Variants in H2AC1 observed in about 807,000 individuals in gnomAD.
H2AC1 encodes the protein H2A clustered histone 1.
For missense variants in H2AC1, 218 were observed against 173.8 expected (o/e 1.25, Z -1.43); for synonymous variants, 145 against 70.0 (o/e 2.07, Z -5.35).
chr6:25,726,107 T>C lies in H2AC1; in HGVS notation c.*25A>G. 1 of 1,502,152 alleles carries C rather than the reference T, an allele frequency of 6.7e-7. No individual in the cohort carries two copies. Among genetic ancestry groups the C allele is most frequent in the Non-Finnish European group, 8.9e-7 (1 of 1,124,466 alleles). 93.1% of individuals were successfully genotyped at this position (1,502,152 alleles called of 1,614,324 possible). ...CCTTTTGTTTTTTCTGACACAGAAGTCTTTTTACCAATGACAACCTTAAGT... is the reference window on the plus strand; with the variant it reads ...CCTTTTGTTTTTTCTGACACAGAAGCCTTTTTACCAATGACAACCTTAAGT... On this transcript the variant is annotated 3_prime_UTR_variant, in exon 1 of 1. Transcript: ENST00000297012.
chr6:25,726,545 C>T lies in H2AC1; in HGVS notation c.-18G>A, dbSNP rs202165082. The T allele has an allele frequency of 1.6e-5, 26 of 1,596,330 alleles. No individual in the cohort carries two copies. In the East Asian group the frequency reaches 1.8e-4, roughly 11 times the overall value. The stretch of plus-strand genomic sequence containing the variant: ...CCAGACATCTCCTCGCATCAAATTG[C>T]AGCAACACGAGAACCACATTTCTAG... On this transcript the variant is annotated 5_prime_UTR_variant, in exon 1 of 1. Coordinates refer to ENST00000297012, the MANE Select transcript of H2AC1 (RefSeq NM_170745.3).
rs757783013 is a variant in H2AC1, at chr6:25,726,497, C to CT, written c.30dup (p.Ala11SerfsTer6). The CT allele has an allele frequency of 2.5e-6, 4 of 1,611,592 alleles. No individual in the cohort carries two copies. In the East Asian group the frequency reaches 8.9e-5, roughly 36 times the overall value. ...GAGCGAGACTTAGACTTGGCGCGTG[C>CT]TTTTCCTCCCTGCTTCCCTCGTCCA... is the stretch of plus-strand genomic sequence containing the variant. On this transcript the variant is annotated frameshift_variant, in exon 1 of 1. Coordinates refer to ENST00000297012, the MANE Select transcript of H2AC1 (RefSeq NM_170745.3). LOFTEE classifies it low-confidence loss of function (END_TRUNC).
At position 25,726,298 on chromosome 6, in the gene H2AC1, G is replaced by T; in HGVS notation, c.230C>A (p.Thr77Asn). The T allele has an allele frequency of 6.2e-7, 1 of 1,614,104 alleles. No individual in the cohort carries two copies. Among genetic ancestry groups the T allele is most frequent in the Non-Finnish European group, 8.5e-7 (1 of 1,179,984 alleles). ...CTGCAGGTGGCGGGGAATAATGCGA[G>T]TTTTTTTGTTATCGCGAGACGCATT... ...AGNASRDNKKTRIIPRHLQLA... is the reference protein window; with the variant it reads ...AGNASRDNKKNRIIPRHLQLA... The change falls in exon 1 of 1, where the codon ACT (threonine) becomes AAT (asparagine). Residue 77 changes from threonine (T) to asparagine (N), a missense_variant. Coordinates refer to ENST00000297012, the MANE Select transcript of H2AC1 (RefSeq NM_170745.3).
rs1275786509 is a variant in H2AC1 at position 25,726,207 on chromosome 6, T to G, written c.321A>C (p.Gly107=). ...GCACTGCCTGAATGTTAGGCAGGAC[T>G]CCGCCCTGGGCAATGGTCACGCCGC... ...LLGGVTIAQG[G]VLPNIQAVLL... Residue 107 remains glycine, a synonymous_variant, in exon 1 of 1, where the codon GGA becomes GGC. Transcript: ENST00000297012. 1.9e-6 allele frequency: 3 copies of G among 1,608,738 alleles called. No individual in the cohort carries two copies. Among genetic ancestry groups the G allele is most frequent in the East Asian group, 2.2e-5 (1 of 44,764 alleles).
chr6:25,726,151 T>C lies in H2AC1; in HGVS notation c.377A>G (p.His126Arg). ...CTTAAGTTACTTGCTTTGGGCTTTA[T>C]GGTGGTGACTCTCAGTCTTCTTGGG... is the stretch of plus-strand genomic sequence containing the variant. Reference protein sequence around the residue: ...LLPKKTESHHHKAQSK With the variant: ...LLPKKTESHHRKAQSK The change falls in exon 1 of 1, where the codon CAT becomes CGT. Residue 126 changes from histidine (H) to arginine (R), a missense_variant. Physicochemically the swap from His to Arg is conservative, Grantham distance 29 (BLOSUM62 0). Transcript: ENST00000297012. 1 of 1,551,650 alleles carries C rather than the reference T, an allele frequency of 6.4e-7. No homozygotes were observed. The highest frequency in any genetic ancestry group is 8.7e-7 in the Non-Finnish European group (1 of 1,148,296).
At position 25,726,304 on chromosome 6, in the gene H2AC1, T is replaced by C; in HGVS notation, c.224A>G (p.Lys75Arg). ...GTGGCGGGGAATAATGCGAGTTTTT[T>C]TGTTATCGCGAGACGCATTGCCTGC... ...ELAGNASRDN[K>R]KTRIIPRHLQ... Residue 75 changes from lysine (K) to arginine (R), a missense_variant, in exon 1 of 1, where the codon AAA becomes AGA. Coordinates refer to ENST00000297012, the MANE Select transcript of H2AC1 (RefSeq NM_170745.3). 2 of 1,614,128 alleles carry C rather than the reference T, an allele frequency of 1.2e-6. No homozygotes were observed. The highest frequency in any genetic ancestry group is 1.1e-5 in the South Asian group (1 of 91,078).
chr6:25,726,348 T>C lies in H2AC1; in HGVS notation c.180A>G (p.Thr60=). 1 of 1,614,180 alleles carries C rather than the reference T, an allele frequency of 6.2e-7. No individual in the cohort carries two copies. Among genetic ancestry groups the C allele is most frequent in the South Asian group, 1.1e-5 (1 of 91,074 alleles). ...TGCCTGCCAGCTCAAGGATTTCTGC[T>C]GTGAGATACTCTAACACTGCCGCCA... ...VYLAAVLEYL[T]AEILELAGNA... Residue 60 remains threonine, a synonymous_variant, in exon 1 of 1, where the codon ACA becomes ACG. Transcript: ENST00000297012.
In H2AC1 at chr6:25,726,433, T is replaced by G. The variant is rs200683901; in HGVS notation, c.95A>C (p.His32Pro). Residue 32 changes from histidine to proline, a missense_variant, in exon 1 of 1, where the codon CAT (histidine) becomes CCT (proline). Coordinates refer to ENST00000297012, the MANE Select transcript of H2AC1 (RefSeq NM_170745.3). ...AGLQFPVGRI[H>P]RLLRKGNYAE... ...ATAGTTTCCCTTACGAAGCAGACGA[T>G]GGATCCGGCCTACGGGAAACTGCAA... is the stretch of plus-strand genomic sequence containing the variant. The G allele has an allele frequency of 6.2e-7, 1 of 1,614,092 alleles. No individual in the cohort carries two copies. Among genetic ancestry groups the G allele is most frequent in the Non-Finnish European group, 8.5e-7 (1 of 1,180,028 alleles).
Position 25,726,268 on chromosome 6 carries a change from G to A in H2AC1, c.260C>T (p.Ala87Val), listed in dbSNP as rs1760239264. The change falls in exon 1 of 1, where the codon GCG (alanine) becomes GTG (valine). Residue 87 changes from alanine to valine, a missense_variant. Coordinates refer to ENST00000297012, the MANE Select transcript of H2AC1 (RefSeq NM_170745.3). ...TRIIPRHLQLAIRNDEELNKL... is the reference protein window; with the variant it reads ...TRIIPRHLQLVIRNDEELNKL... ...ATTGAGTTCCTCATCATTGCGGATCGCTAGCTGCAGGTGGCGGGGAATAAT... is the reference window on the plus strand; with the variant it reads ...ATTGAGTTCCTCATCATTGCGGATCACTAGCTGCAGGTGGCGGGGAATAAT... 1.2e-6 allele frequency: 2 copies of A among 1,614,010 alleles called. No homozygotes were observed. The highest frequency in any genetic ancestry group is 8.5e-7 in the Non-Finnish European group (1 of 1,179,924).
rs1224024736 is a variant in H2AC1, at chr6:25,726,145, G to A, written c.383C>T (p.Ala128Val). The A allele has an allele frequency of 1.2e-5, 18 of 1,544,574 alleles. No homozygotes were observed. Among genetic ancestry groups the A allele is most frequent in the Admixed American group, 6.1e-5 (3 of 49,030 alleles). ...PKKTESHHHK[A>V]QSK is the part of the protein sequence containing the mutation. ...GACAACCTTAAGTTACTTGCTTTGGGCTTTATGGTGGTGACTCTCAGTCTT... is the reference window on the plus strand; with the variant it reads ...GACAACCTTAAGTTACTTGCTTTGGACTTTATGGTGGTGACTCTCAGTCTT... Residue 128 changes from alanine (A) to valine (V), a missense_variant, in exon 1 of 1, where the codon GCC (alanine) becomes GTC (valine). By Grantham distance (64) the Ala-to-Val change is moderately conservative (BLOSUM62 0). Coordinates refer to ENST00000297012, the MANE Select transcript of H2AC1 (RefSeq NM_170745.3).
chr6:25,726,267 C>T lies in H2AC1; in HGVS notation c.261G>A (p.Ala87=), dbSNP rs1393154649. Residue 87 remains alanine, a synonymous_variant, in exon 1 of 1, where the codon GCG becomes GCA. Transcript: ENST00000297012. ...TATTGAGTTCCTCATCATTGCGGATCGCTAGCTGCAGGTGGCGGGGAATAA... is the reference window on the plus strand; with the variant it reads ...TATTGAGTTCCTCATCATTGCGGATTGCTAGCTGCAGGTGGCGGGGAATAA... The part of the protein sequence containing the change: ...TRIIPRHLQL[A]IRNDEELNKL... 5 of 1,614,060 alleles carry T rather than the reference C, an allele frequency of 3.1e-6. No homozygotes were observed. The highest frequency in any genetic ancestry group is 2.7e-5 in the African/African-American group (2 of 75,018).
chr6:25,726,074 GA>G lies in H2AC1; in HGVS notation c.*57del. The G allele has an allele frequency of 6.9e-7, 1 of 1,453,394 alleles. No individual in the cohort carries two copies. 90.0% of individuals were successfully genotyped at this position (1,453,394 alleles called of 1,614,324 possible). A position where few individuals can be genotyped will look rare whatever the true frequency, so the allele number is the denominator to read the frequency against. On this transcript the variant is annotated 3_prime_UTR_variant, in exon 1 of 1. Transcript: ENST00000297012. ...TTTTTCTGAGACGGTAGGTGGCTCT[GA>G]AAAGAGCCTTTTGTTTTTTCTGACA...
Position 25,726,341 on chromosome 6 carries a change from T to C in H2AC1, c.187A>G (p.Ile63Val), listed in dbSNP as rs1159899764. 20 of 1,614,106 alleles carry C rather than the reference T, an allele frequency of 1.2e-5. No individual in the cohort carries two copies. The highest frequency in any genetic ancestry group is 1.6e-5 in the Non-Finnish European group (19 of 1,180,022). ...AAVLEYLTAE[I>V]LELAGNASRD... ...GACGCATTGCCTGCCAGCTCAAGGA[T>C]TTCTGCTGTGAGATACTCTAACACT... Residue 63 changes from isoleucine to valine, a missense_variant, in exon 1 of 1, where the codon ATC becomes GTC. Coordinates refer to ENST00000297012, the MANE Select transcript of H2AC1 (RefSeq NM_170745.3).
Position 25,726,108 on chromosome 6 carries a change from CT to C in H2AC1, c.*23del. On this transcript the variant is annotated 3_prime_UTR_variant, in exon 1 of 1. Transcript: ENST00000297012. ...CTTTTGTTTTTTCTGACACAGAAGT[CT>C]TTTTACCAATGACAACCTTAAGTTA... is the stretch of plus-strand genomic sequence containing the variant. The C allele has an allele frequency of 1.3e-6, 2 of 1,503,296 alleles. No individual in the cohort carries two copies. Among genetic ancestry groups the C allele is most frequent in the Non-Finnish European group, 8.9e-7 (1 of 1,125,282 alleles). The allele number at this position is 1,503,296 out of a possible 1,614,324, so 93.1% of individuals were successfully genotyped here. A position where few individuals can be genotyped will look rare whatever the true frequency, so the allele number is the denominator to read the frequency against.
rs1561779644 is a variant in H2AC1, at chr6:25,726,480, C to T, written c.48G>A (p.Lys16=). ...GCAAACCCGCTCTAGAAGAGCGAGA[C>T]TTAGACTTGGCGCGTGCTTTTCCTC... ...KQGGKARAKS[K]SRSSRAGLQF... is the part of the protein sequence containing the mutation. Residue 16 remains lysine, a synonymous_variant, in exon 1 of 1, where the codon AAG becomes AAA. Transcript: ENST00000297012. The T allele has an allele frequency of 4.3e-6, 7 of 1,613,532 alleles. No individual in the cohort carries two copies. The African/African-American group carries it at 5.3e-5, about 12-fold the overall frequency.
rs371174465 is a variant in H2AC1, at chr6:25,726,553, C to G, written c.-26G>C. The G allele has an allele frequency of 4.4e-6, 7 of 1,589,320 alleles. No individual in the cohort carries two copies. The highest frequency in any genetic ancestry group is 1.7e-5 in the Admixed American group (1 of 58,670). The stretch of plus-strand genomic sequence containing the variant: ...CTCCTCGCATCAAATTGCAGCAACA[C>G]GAGAACCACATTTCTAGGGCTGCTA... On this transcript the variant is annotated 5_prime_UTR_variant, in exon 1 of 1. Transcript: ENST00000297012.
Position 25,726,506 on chromosome 6 carries a change from C to G in H2AC1, c.22G>C (p.Gly8Arg). Residue 8 changes from glycine to arginine, a missense_variant, in exon 1 of 1, where the codon GGA becomes CGA. Coordinates refer to ENST00000297012, the MANE Select transcript of H2AC1 (RefSeq NM_170745.3). ...TTAGACTTGGCGCGTGCTTTTCCTCCCTGCTTCCCTCGTCCAGACATCTCC... is the reference window on the plus strand; with the variant it reads ...TTAGACTTGGCGCGTGCTTTTCCTCGCTGCTTCCCTCGTCCAGACATCTCC... MSGRGKQ[G>R]GKARAKSKSR... 1.2e-6 allele frequency: 2 copies of G among 1,610,846 alleles called. No individual in the cohort carries two copies. The highest frequency in any genetic ancestry group is 1.7e-6 in the Non-Finnish European group (2 of 1,177,694).
At position 25,726,249 on chromosome 6, in the gene H2AC1, T is replaced by TTCC; in HGVS notation, c.276_278dup (p.Glu93dup). The stretch of plus-strand genomic sequence containing the variant: ...TCACGCCGCCCAAAAGCTTATTGAG[T>TTCC]TCCTCATCATTGCGGATCGCTAGCT... On this transcript the variant is annotated inframe_insertion, in exon 1 of 1. Coordinates refer to ENST00000297012, the MANE Select transcript of H2AC1 (RefSeq NM_170745.3). 2 of 1,613,944 alleles carry TTCC rather than the reference T, an allele frequency of 1.2e-6. No individual in the cohort carries two copies. The highest frequency in any genetic ancestry group is 1.7e-6 in the Non-Finnish European group (2 of 1,179,852).
rs952111605 is a variant in H2AC1, at chr6:25,726,092, T to C, written c.*40A>G. ...TGGCTCTGAAAAGAGCCTTTTGTTT[T>C]TTCTGACACAGAAGTCTTTTTACCA... On this transcript the variant is annotated 3_prime_UTR_variant, in exon 1 of 1. Coordinates refer to ENST00000297012, the MANE Select transcript of H2AC1 (RefSeq NM_170745.3). The C allele has an allele frequency of 4.7e-6, 7 of 1,482,522 alleles. No homozygotes were observed. The highest frequency in any genetic ancestry group is 1.4e-5 in the South Asian group (1 of 69,914). The allele number at this position is 1,482,522 out of a possible 1,614,324, so 91.8% of individuals were successfully genotyped here. A position where few individuals can be genotyped will look rare whatever the true frequency, so the allele number is the denominator to read the frequency against.
Sources: allele counts gnomAD v4.1 joint callset, GRCh38; gene constraint gnomAD v4.1.1; transcripts MANE v1.5; gene names NCBI Gene and HGNC (gene_info 2026-07-23, HGNC 2026-07-21).